COMMD1: variants seen among roughly 807,000 people sequenced by gnomAD.
COMMD1 encodes the protein COMM domain-containing protein 1.
COMMD1 carries 10 observed loss-of-function variants against 17.2 expected under a neutral mutation model. That is an observed-to-expected ratio of 0.58 (90% CI 0.36 to 0.99). COMMD1 has a LOEUF of 0.99. COMMD1 is among the 50% of genes least tolerant of loss of function. The probability of loss-of-function intolerance (pLI) is 0.01; values close to 1 mark genes in which losing one functional copy is unlikely to be tolerated. For missense variants in COMMD1, 270 were observed against 231.8 expected, an observed-to-expected ratio of 1.17 and a Z score of -1.07; for synonymous variants, 97 against 91.6, an observed-to-expected ratio of 1.06 and a Z score of -0.34.
At chr2:61,970,970 C>T (rs774967358) in intron 1 of COMMD1, among the ~76,000 whole-genome samples, 4 of 152,110 alleles carry the variant, frequency 2.6e-5, no homozygotes, top group Non-Finnish European at 4.4e-5. Flanking sequence ...TACAGTGGTG[C>T]GATCACTGCT....
intron 1 of COMMD1, among the ~76,000 whole-genome samples, chr2:61,977,241 C>CCT (rs1365232073): frequency 2.3e-5 from 2 of 88,810 alleles, no homozygotes; most frequent in African/African-American, 4.9e-5. Flanking sequence ...ATAAAGTTTG[C>CCT]TTTTTTTTTT....
rs146679486 is a variant in COMMD1 at position 61,979,598 on chromosome 2, G to A, written c.181-21103G>A. On this transcript the variant is annotated intron_variant, in intron 1 of 2. Coordinates refer to ENST00000311832, the MANE Select transcript of COMMD1 (RefSeq NM_152516.4). The stretch of plus-strand genomic sequence containing the variant: ...TCTGCACTCCCATGTGAGCCACCGC[G>A]CCCGGCCTATTTTTAGTTTTTTGAG... Among the ~76,000 whole-genome samples the A allele has an allele frequency of 5.9e-5, 9 of 152,184 alleles. 1 individual carries two copies. Among genetic ancestry groups the A allele is most frequent in the East Asian group, 5.8e-4 (3 of 5,180 alleles).
rs142774704 is a variant in COMMD1 at position 62,045,861 on chromosome 2, C to T, written c.462+44879C>T. 5.4e-4 allele frequency among the ~76,000 whole-genome samples: 82 copies of T among 151,008 alleles called. No individual in the cohort carries two copies. The East Asian group carries it at 0.012, about 23-fold the overall frequency. ...AAGCAATTCTCCTGCCTCAGCCTCC[C>T]GAGTAGCTGGGATTACCAGTGACCA... On this transcript the variant is annotated intron_variant, in intron 2 of 2. Transcript: ENST00000311832.
intron 1 of COMMD1, among the ~76,000 whole-genome samples, chr2:61,912,152 G>T (rs1669921277): frequency 6.6e-6 from 1 of 152,094 alleles, no homozygotes; most frequent in African/African-American, 2.4e-5. Context: ...TATTCTACTA[G>T]AATGTAAGCA....
chr2:62,008,075 G>T (rs1312127351), intron 2 of COMMD1, among the ~76,000 whole-genome samples: 2 of 152,128 alleles, frequency 1.3e-5, no homozygotes, highest in Admixed American at 6.5e-5. Context: ...CAAGCTACTC[G>T]ATAGAGTGAG....
intron 2 of COMMD1, among the ~76,000 whole-genome samples, chr2:62,097,496 A>G (rs1255404243): frequency 6.6e-6 from 1 of 152,174 alleles, no homozygotes; most frequent in Non-Finnish European, 1.5e-5. Context: ...AACTTTCACA[A>G]GCATAATGTA....
intron 2 of COMMD1, among the ~76,000 whole-genome samples, chr2:62,020,726 G>A (rs531908998): frequency 3.9e-5 from 6 of 152,308 alleles, no homozygotes; most frequent in Non-Finnish European, 7.4e-5. Flanking sequence ...ATGGTTGGGC[G>A]TGGTGGCTCA....
Position 62,012,647 on chromosome 2 carries a change from A to G in COMMD1, c.462+11665A>G, listed in dbSNP as rs148060867. Among the ~76,000 whole-genome samples, 81 of 152,170 alleles carry G rather than the reference A, an allele frequency of 5.3e-4. 2 individuals are homozygous for G. The East Asian group carries it at 0.013, about 24-fold the overall frequency. On this transcript the variant is annotated intron_variant, in intron 2 of 2. Transcript: ENST00000311832. ...TGGCAGTGATTTAGTACAAGTCCCTAGTGATTGCCATTTCTTTCTCACCAC... is the reference window on the plus strand; with the variant it reads ...TGGCAGTGATTTAGTACAAGTCCCTGGTGATTGCCATTTCTTTCTCACCAC...
chr2:62,109,320 C>G (rs1171958062), intron 2 of COMMD1, among the ~76,000 whole-genome samples: 1 of 152,134 alleles, frequency 6.6e-6, no homozygotes, highest in African/African-American at 2.4e-5. Flanking sequence ...CTCCAAAGCT[C>G]TTGGGGACAA....
At chr2:62,039,546 G>A (rs1257679875) in intron 2 of COMMD1, among the ~76,000 whole-genome samples, 2 of 152,190 alleles carry the variant, frequency 1.3e-5, no homozygotes, top group Non-Finnish European at 2.9e-5. Flanking sequence ...GGGGGAGTAA[G>A]CTGCTCTTGC....
At position 61,925,957 on chromosome 2, in the gene COMMD1, G is replaced by GT. The variant is rs994875731; in HGVS notation, c.180+20105dup. Among the ~76,000 whole-genome samples the GT allele has an allele frequency of 2.5e-4, 37 of 150,018 alleles. 1 individual carries two copies. The highest frequency in any genetic ancestry group is 2.0e-3 in the Admixed American group (30 of 15,100). ...ATTGCAGAGTTAGTGTTTTTTTTTT[G>GT]TTTTTTGTTTTTTGTTTTTGTTTTT... On this transcript the variant is annotated intron_variant, in intron 1 of 2. Transcript: ENST00000311832.
intron 1 of COMMD1, among the ~76,000 whole-genome samples, chr2:61,918,052 T>C (rs1300405531): frequency 6.6e-6 from 1 of 152,224 alleles, no homozygotes; most frequent in Non-Finnish European, 1.5e-5. Context: ...AGTGGAATAT[T>C]GGCTTGCCAA....
intron 1 of COMMD1, 144 bp from the exon 2 acceptor site, chr2:62,000,557 G>T (rs1345315438): frequency 3.7e-6 from 3 of 804,160 alleles, no homozygotes; most frequent in Admixed American, 2.3e-5. Flanking sequence ...CTCCCAAAGT[G>T]CTGAGATTAC....
chr2:62,123,173 A>G (rs926187432), intron 2 of COMMD1, among the ~76,000 whole-genome samples: 1 of 152,156 alleles, frequency 6.6e-6, no homozygotes, highest in African/African-American at 2.4e-5. Flanking sequence ...AGCCTGGGCA[A>G]CATACCAAGA....
At chr2:61,911,456 A>G (rs1243873707) in intron 1 of COMMD1, among the ~76,000 whole-genome samples, 1 of 152,184 alleles carries the variant, frequency 6.6e-6, no homozygotes, top group African/African-American at 2.4e-5. Context: ...AGCCTGGGCA[A>G]TGAGCAAAAC....
At chr2:61,963,242 C>T (rs562247494) in intron 1 of COMMD1, among the ~76,000 whole-genome samples, 1 of 151,674 alleles carries the variant, frequency 6.6e-6, no homozygotes, top group East Asian at 1.9e-4. Context: ...TATACACACA[C>T]ACACACACAT....
At chr2:62,094,825 T>C (rs1238461240) in intron 2 of COMMD1, among the ~76,000 whole-genome samples, 1 of 152,244 alleles carries the variant, frequency 6.6e-6, no homozygotes, top group Non-Finnish European at 1.5e-5. Context: ...CTCAATACAA[T>C]TTCTGTACTT....
intron 2 of COMMD1, 103 bp downstream of exon 2, chr2:62,001,085 G>T: frequency 9.0e-7 from 1 of 1,108,224 alleles, no homozygotes. Flanking sequence ...AACAGGAAAA[G>T]ACACTGTTTC....
intron 1 of COMMD1, among the ~76,000 whole-genome samples, chr2:61,947,126 A>G (rs966319510): frequency 5.3e-5 from 8 of 152,138 alleles, no homozygotes; most frequent in African/African-American, 1.7e-4. Flanking sequence ...AAACTTCTCA[A>G]TGTTGTCAAA....
Sources: gnomAD v4.1 joint callset for allele counts (sites outside exome capture counted in the v4.1 genomes callset) on GRCh38, gnomAD v4.1.1 for gene constraint, MANE v1.5 for transcripts, NCBI Gene and HGNC (gene_info 2026-07-23, HGNC 2026-07-21) for gene names.